Variants in NPHS1 observed in about 807,000 individuals in gnomAD.
NPHS1 encodes the protein NPHS1 adhesion molecule, nephrin.
NPHS1 carries 107 observed loss-of-function variants against 139.7 expected under a neutral mutation model. The ratio of observed to expected loss-of-function variants is 0.77; its 90% CI spans 0.66 to 0.90. The LOEUF (loss-of-function observed/expected upper bound fraction) is 0.90, where lower values mean the gene tolerates loss of function less well. NPHS1 is among the 40% of genes least tolerant of loss of function. The pLI is 0.00. For missense variants in NPHS1, 1,580 were observed against 1,654.2 expected (o/e 0.96, Z 0.78); for synonymous variants, 707 against 706.6 (o/e 1.00, Z -0.01).
intron 14 of NPHS1, among the ~76,000 whole-genome samples, chr19:35,844,847 A>G (rs1319714117): frequency 6.6e-6 from 1 of 152,208 alleles, no homozygotes; most frequent in Admixed American, 6.5e-5. Context: ...GACCCAGGCC[A>G]GGTGCAGTGG....
At chr19:35,841,405 A>G (rs187671264) in intron 20 of NPHS1, among the ~76,000 whole-genome samples, 34 of 152,248 alleles carry the variant, frequency 2.2e-4, no homozygotes, top group Admixed American at 1.4e-3. Flanking sequence ...AACAACAAAA[A>G]GAATGGAGAG....
In NPHS1 at chr19:35,842,189, T is replaced by G; in HGVS notation, c.2598A>C (p.Arg866=). 6.2e-7 allele frequency: 1 copy of G among 1,611,910 alleles called. No individual in the cohort carries two copies. The highest frequency in any genetic ancestry group is 1.1e-5 in the South Asian group (1 of 90,652). Residue 866 remains arginine, a synonymous_variant, in exon 19 of 29, where the codon CGA becomes CGC. Transcript: ENST00000378910. ...AAGTGAAAACGATGTTGGGGACACC[T>G]CGGGCACGGCAGTGGAGGGTGGCAG... ...TSSATLHCRA[R]GVPNIVFTWT...
intron 5 of NPHS1, among the ~76,000 whole-genome samples, chr19:35,849,947 G>T (rs1027511658): frequency 6.6e-6 from 1 of 152,074 alleles, no homozygotes; most frequent in African/African-American, 2.4e-5. Flanking sequence ...ACAGAATCTG[G>T]CTCTATCACC....
chr19:35,845,530 C>T lies in NPHS1; in HGVS notation c.1768G>A (p.Val590Met). Reference sequence around the variant, plus strand: ...GGGGCTCTCCGGGGTGGGGCGGCCACGCCCTCCAGCCTGTGGAACCGGGGT... The same window carrying T: ...GGGGCTCTCCGGGGTGGGGCGGCCATGCCCTCCAGCCTGTGGAACCGGGGT... ...WDKEGERLEGVAAPPRRAPFK... is the reference protein window; with the variant it reads ...WDKEGERLEGMAAPPRRAPFK... The change falls in exon 14 of 29, where the codon GTG (valine) becomes ATG (methionine). Residue 590 changes from valine to methionine, a missense_variant. Physicochemically the swap from Val to Met is conservative, Grantham distance 21 (BLOSUM62 1). Transcript: ENST00000378910. The surrounding 1 kb of genome is among the most constrained non-coding windows in gnomAD (Gnocchi z 5.5). The T allele has an allele frequency of 6.2e-7, 1 of 1,600,918 alleles. No individual in the cohort carries two copies. Among genetic ancestry groups the T allele is most frequent in the Admixed American group, 1.7e-5 (1 of 57,946 alleles).
chr19:35,847,344 CTT>C (rs34920536), intron 11 of NPHS1, among the ~76,000 whole-genome samples: 344 of 59,768 alleles, frequency 5.8e-3, no homozygotes, highest in Non-Finnish European at 8.4e-3. Context: ...TGTGCCCAGC[CTT>C]TTTTTTTTTT....
intron 11 of NPHS1, among the ~76,000 whole-genome samples, chr19:35,846,505 A>C (rs1447945171): frequency 6.6e-6 from 1 of 151,908 alleles, no homozygotes; most frequent in East Asian, 1.9e-4. Flanking sequence ...CTCTCAGCGC[A>C]CTCCTCAAAA....
intron 5 of NPHS1, 122 bp from the exon 6 acceptor site, chr19:35,849,775 C>T (rs570866929): frequency 3.1e-5 from 23 of 742,612 alleles, no homozygotes; most frequent in African/African-American, 3.1e-4. Context: ...ATGCTGATCT[C>T]CTCTGGGATC....
rs1973131824 is a variant in NPHS1 at position 35,845,817 on chromosome 19, G to C, written c.1628-19C>G. 6.2e-7 allele frequency: 1 copy of C among 1,610,200 alleles called. No individual in the cohort carries two copies. Among genetic ancestry groups the C allele is most frequent in the African/African-American group, 1.3e-5 (1 of 74,998 alleles). Reference sequence around the variant, plus strand: ...GGGGGAACTGGGAGACGGGGTTGGAGGAGCGAGACTCAGAGGTTAGGGGCG... The same window carrying C: ...GGGGGAACTGGGAGACGGGGTTGGACGAGCGAGACTCAGAGGTTAGGGGCG... On this transcript the variant is annotated intron_variant, in intron 12 of 28. Transcript: ENST00000378910. The surrounding 1 kb of genome is among the most constrained non-coding windows in gnomAD (Gnocchi z 5.5).
rs1973021229 is a variant in NPHS1 at position 35,839,408 on chromosome 19, G to A, written c.2938C>T (p.Leu980=). The A allele has an allele frequency of 1.2e-6, 2 of 1,614,160 alleles. No individual in the cohort carries two copies. The highest frequency in any genetic ancestry group is 2.2e-5 in the South Asian group (2 of 91,088). ...ACATAGTGGAACCCTGGAGTCCCCAGGGCCTCATACCTGCAGGACAGGGGG... is the reference window on the plus strand; with the variant it reads ...ACATAGTGGAACCCTGGAGTCCCCAAGGCCTCATACCTGCAGGACAGGGGG... ...PQRFCIRYEA[L]GTPGFHYVDV... Residue 980 remains leucine (L), a synonymous_variant, in exon 22 of 29, where the codon CTG becomes TTG. Transcript: ENST00000378910.
In NPHS1 at chr19:35,842,561, A is replaced by G. The variant is rs142316130; in HGVS notation, c.2335-11T>C. On this transcript the variant is annotated splice_polypyrimidine_tract_variant and intron_variant, in intron 17 of 28. Transcript: ENST00000378910. Reference sequence around the variant, plus strand: ...CTCCTCATCTTCTCCCTGGAGGCCCAAGAGTCCAGAATTGGCCTCCCAGTC... The same window carrying G: ...CTCCTCATCTTCTCCCTGGAGGCCCGAGAGTCCAGAATTGGCCTCCCAGTC... The G allele has an allele frequency of 5.0e-6, 8 of 1,613,784 alleles. No homozygotes were observed. The highest frequency in any genetic ancestry group is 3.3e-4 in the Middle Eastern group (2 of 6,084).
rs143618255 is a variant in NPHS1 at position 35,832,617 on chromosome 19, C to T, written c.3167-855G>A. Among the ~76,000 whole-genome samples, 13 of 151,624 alleles carry T rather than the reference C, an allele frequency of 8.6e-5. No individual in the cohort carries two copies. In the East Asian group the frequency reaches 2.4e-3, roughly 28 times the overall value. ...TAATTAAGACGGAGTTGGCTGGGCA[C>T]GGTGGCTCACGCCTATAATCCCAGC... is the stretch of plus-strand genomic sequence containing the variant. On this transcript the variant is annotated intron_variant, in intron 23 of 28. Coordinates refer to ENST00000378910, the MANE Select transcript of NPHS1 (RefSeq NM_004646.4).
In NPHS1 at chr19:35,845,003, C is replaced by T. The variant is rs117715264; in HGVS notation, c.1930+365G>A. Among the ~76,000 whole-genome samples, 165 of 152,268 alleles carry T rather than the reference C, an allele frequency of 1.1e-3. No individual in the cohort carries two copies. In the Middle Eastern group the frequency reaches 0.014, roughly 13 times the overall value. On this transcript the variant is annotated intron_variant, in intron 14 of 28. Transcript: ENST00000378910. This position sits in a 1 kb window ranked among gnomAD's most constrained non-coding sequence, Gnocchi z 5.5. ...AAAAAATCAGCCTAGCATAGTGGCA[C>T]GCGCCTGTAATCCCAGCACTTTGAG...
intron 28 of NPHS1, among the ~76,000 whole-genome samples, chr19:35,830,045 T>G (rs1165323767): frequency 1.3e-5 from 2 of 152,192 alleles, no homozygotes; most frequent in Non-Finnish European, 2.9e-5. Flanking sequence ...TTCAGTTGAA[T>G]GGGCCCCCAA....
chr19:35,842,198 G>A lies in NPHS1; in HGVS notation c.2589C>T (p.Cys863=). 1 of 1,612,386 alleles carries A rather than the reference G, an allele frequency of 6.2e-7. No individual in the cohort carries two copies. The change falls in exon 19 of 29, where the codon TGC becomes TGT. Residue 863 remains cysteine (C), a synonymous_variant. Transcript: ENST00000378910. ...GDSTSSATLH[C]RARGVPNIVF... ...CGATGTTGGGGACACCTCGGGCACG[G>A]CAGTGGAGGGTGGCAGAACTGGTGC...
chr19:35,837,938 TAAA>T (rs1200757977), intron 22 of NPHS1, among the ~76,000 whole-genome samples: 26 of 99,418 alleles, frequency 2.6e-4, no homozygotes, highest in South Asian at 1.9e-3. Flanking sequence ...GTTATTCTCT[TAAA>T]AAAAAAAAAA....
chr19:35,835,623 T>A, intron 23 of NPHS1, 82 bp downstream of exon 23: 1 of 1,256,840 alleles, frequency 8.0e-7, no homozygotes, highest in Non-Finnish European at 1.2e-6. Context: ...CAGCTGTGAC[T>A]ACAAGCAGAG....
rs142956465 is a variant in NPHS1, at chr19:35,842,403, G to T, written c.2482C>A (p.Arg828=). The T allele has an allele frequency of 4.0e-5, 65 of 1,614,076 alleles. No homozygotes were observed. In the African/African-American group the frequency reaches 7.6e-4, roughly 19 times the overall value. ...CATCTGACAACAAGACGGAGCAGCC[G>T]TCGTGCTGGAGGCGCCACCCCATTG... The part of the protein sequence containing the change: ...VDNGVAPPAR[R]LLRLVVRFAP... The change falls in exon 18 of 29, where the codon CGG becomes AGG. Residue 828 remains arginine (R), a synonymous_variant. Transcript: ENST00000378910.
intron 24 of NPHS1, 53 bp from the exon 25 acceptor site, chr19:35,831,553 C>A: frequency 6.2e-7 from 1 of 1,613,250 alleles, no homozygotes; most frequent in East Asian, 2.2e-5. Flanking sequence ...CCCCCCACCC[C>A]GGCCCCAGGA....
At chr19:35,842,633 T>C (rs889442573) in intron 17 of NPHS1, 83 bp from the exon 18 acceptor site, 5 of 1,395,982 alleles carry the variant, frequency 3.6e-6, no homozygotes, top group Non-Finnish European at 5.1e-6. Context: ...TGTAGCCTCA[T>C]TCTCCTAGCC....
Sources: allele counts gnomAD v4.1 joint callset (sites outside exome capture counted in the v4.1 genomes callset), GRCh38; gene constraint gnomAD v4.1.1; non-coding constraint Gnocchi (gnomAD v3.1); transcripts MANE v1.5; gene names NCBI Gene and HGNC (gene_info 2026-07-23, HGNC 2026-07-21).